Variants in HPSE2 observed in about 807,000 individuals in gnomAD.
The protein encoded by HPSE2 is inactive heparanase-2.
Under a neutral mutation model 60.5 loss-of-function variants are expected in HPSE2, and 38 were observed. That is an observed-to-expected ratio of 0.63 (90% CI 0.48 to 0.82). HPSE2 has a LOEUF of 0.82. Ranked by LOEUF, HPSE2 falls within the 40% of genes least tolerant of loss-of-function variation. HPSE2 has a pLI of 0.00. For synonymous variants in HPSE2, 295 were observed against 293.2 expected, an observed-to-expected ratio of 1.01 and a Z score of -0.06; for missense variants, 713 against 740.4, an observed-to-expected ratio of 0.96 and a Z score of 0.43.
At chr10:98,695,923 C>T (rs537265016) in intron 5 of HPSE2, among the ~76,000 whole-genome samples, 3 of 152,178 alleles carry the variant, frequency 2.0e-5, no homozygotes, top group African/African-American at 7.2e-5. Context: ...ACACAACCAG[C>T]TCTTAAATGA....
rs565284065 is a variant in HPSE2 at position 98,855,309 on chromosome 10, T to G, written c.611-111253A>C. ...TCCCTAAATCTCACTGGGCACGCTTTAAAATGATTGGGTGTGTGGGGATTG... is the reference window on the plus strand; with the variant it reads ...TCCCTAAATCTCACTGGGCACGCTTGAAAATGATTGGGTGTGTGGGGATTG... On this transcript the variant is annotated intron_variant, in intron 3 of 11. Transcript: ENST00000370552. 5.9e-5 allele frequency among the ~76,000 whole-genome samples: 9 copies of G among 152,250 alleles called. No individual in the cohort carries two copies. In the South Asian group the frequency reaches 1.9e-3, roughly 32 times the overall value.
the HPSE2 span, among the ~76,000 whole-genome samples, chr10:99,277,463 T>C: frequency 2.6e-5 from 4 of 152,214 alleles, no homozygotes; most frequent in African/African-American, 9.6e-5. Flanking sequence ...GAATCCCTTA[T>C]GAGGTAGTGA....
chr10:99,178,835 A>C (rs1847640428), intron 2 of HPSE2, among the ~76,000 whole-genome samples: 1 of 152,214 alleles, frequency 6.6e-6, no homozygotes, highest in African/African-American at 2.4e-5. Flanking sequence ...ATTTCAGGCC[A>C]ATATCCCTGA....
At chr10:98,720,726 C>T (rs889710927) in intron 5 of HPSE2, among the ~76,000 whole-genome samples, 1 of 152,088 alleles carries the variant, frequency 6.6e-6, no homozygotes, top group Non-Finnish European at 1.5e-5. Flanking sequence ...GTCCAATGCC[C>T]AACAGTGAGG....
At chr10:99,223,525 T>C (rs2133934752) in intron 2 of HPSE2, among the ~76,000 whole-genome samples, 1 of 152,304 alleles carries the variant, frequency 6.6e-6, no homozygotes, top group East Asian at 1.9e-4. Context: ...GATACATGCA[T>C]GCACCCATCT....
At chr10:99,303,129 C>T in the HPSE2 span, among the ~76,000 whole-genome samples, 2 of 152,070 alleles carry the variant, frequency 1.3e-5, no homozygotes, top group African/African-American at 4.8e-5. Context: ...TATTACCTAT[C>T]AACTTCACTC....
At chr10:98,597,796 C>T (rs960679425) in intron 9 of HPSE2, among the ~76,000 whole-genome samples, 5 of 151,690 alleles carry the variant, frequency 3.3e-5, no homozygotes, top group African/African-American at 1.2e-4. Flanking sequence ...TATGGTGAGA[C>T]CCCGTCTCTA....
At chr10:99,045,508 G>T (rs1957834636) in intron 3 of HPSE2, among the ~76,000 whole-genome samples, 1 of 151,984 alleles carries the variant, frequency 6.6e-6, no homozygotes, top group African/African-American at 2.4e-5. Flanking sequence ...AAATGAAATT[G>T]AGATGCAAAA....
At chr10:99,248,019 A>C in the HPSE2 span, among the ~76,000 whole-genome samples, 2 of 152,208 alleles carry the variant, frequency 1.3e-5, no homozygotes, top group African/African-American at 4.8e-5. Flanking sequence ...TTTTATTTAT[A>C]AATTACCCAG....
chr10:99,110,030 T>C (rs1844399177), intron 3 of HPSE2, among the ~76,000 whole-genome samples: 1 of 152,082 alleles, frequency 6.6e-6, no homozygotes. Context: ...ATAGCAAAAA[T>C]TTGTATCACA....
At chr10:98,676,987 A>T (rs1947661202) in intron 6 of HPSE2, among the ~76,000 whole-genome samples, 1 of 148,866 alleles carries the variant, frequency 6.7e-6, no homozygotes, top group Non-Finnish European at 1.5e-5. Context: ...CTTTTAAATC[A>T]TCTGCAGCAG....
chr10:98,761,274 T>C (rs1949998769), intron 3 of HPSE2, among the ~76,000 whole-genome samples: 1 of 152,126 alleles, frequency 6.6e-6, no homozygotes, highest in African/African-American at 2.4e-5. Context: ...AGAAAACCCG[T>C]AGAAAAGATC....
At position 98,771,677 on chromosome 10, in the gene HPSE2, G is replaced by C. The variant is rs530386680; in HGVS notation, c.611-27621C>G. Among the ~76,000 whole-genome samples, 17 of 152,306 alleles carry C rather than the reference G, an allele frequency of 1.1e-4. No homozygotes were observed. In the South Asian group the frequency reaches 3.3e-3, roughly 30 times the overall value. ...TGAAAGAGCTTGATCAAGGGGGCCA[G>C]GATGTACAACTGGATAACCAAGAAT... On this transcript the variant is annotated intron_variant, in intron 3 of 11. Transcript: ENST00000370552.
chr10:98,656,640 A>C (rs1947072346), intron 6 of HPSE2, among the ~76,000 whole-genome samples: 1 of 152,062 alleles, frequency 6.6e-6, no homozygotes, highest in South Asian at 2.1e-4. Context: ...TCTCATGAAA[A>C]CTTACTTTAA....
intron 2 of HPSE2, among the ~76,000 whole-genome samples, chr10:99,152,736 G>T (rs916386315): frequency 6.6e-6 from 1 of 152,150 alleles, no homozygotes; most frequent in African/African-American, 2.4e-5. Context: ...AACTGAAAAT[G>T]AGGGGGAGGA....
chr10:99,013,429 G>A, intron 3 of HPSE2: 1 of 518,822 alleles, frequency 1.9e-6, no homozygotes, highest in Non-Finnish European at 3.6e-6. Flanking sequence ...GAGATTCTTG[G>A]CCACCAATAT....
intron 9 of HPSE2, among the ~76,000 whole-genome samples, chr10:98,526,782 G>C (rs1261626701): frequency 6.6e-6 from 1 of 152,182 alleles, no homozygotes. Context: ...GTGTGGTCAT[G>C]ACTAGACTAG....
At chr10:99,233,896 A>G (rs1395181073) in intron 1 of HPSE2, among the ~76,000 whole-genome samples, 3 of 152,196 alleles carry the variant, frequency 2.0e-5, no homozygotes, top group African/African-American at 7.2e-5. Flanking sequence ...TGCACAGCCA[A>G]TGCGAATGCG....
intron 9 of HPSE2, among the ~76,000 whole-genome samples, chr10:98,570,164 C>T (rs537122814): frequency 6.6e-6 from 1 of 152,360 alleles, no homozygotes; most frequent in Admixed American, 6.5e-5. Flanking sequence ...TTGCCCCTCA[C>T]CTCTTTCCAA....
Sources: gnomAD v4.1 joint callset for allele counts (sites outside exome capture counted in the v4.1 genomes callset) on GRCh38, gnomAD v4.1.1 for gene constraint, MANE v1.5 for transcripts, NCBI Gene and HGNC (gene_info 2026-07-23, HGNC 2026-07-21) for gene names.